Variants in ZNF148 observed in about 807,000 individuals in gnomAD.
ZNF148 encodes Beta-Enolase Repressor Factor-1.
In ZNF148, 7 loss-of-function variants were observed where a neutral mutation model predicts 67.7. The observed-to-expected ratio is 0.10, with a 90% CI of 0.06 to 0.19. The LOEUF is 0.19. Among genes scored for constraint, ZNF148 ranks in the 10% least tolerant of loss-of-function variants. The pLI, the probability that ZNF148 is intolerant of heterozygous loss-of-function variation, is 1.00. For missense variants in ZNF148, 583 were observed against 947.1 expected (o/e 0.62, Z 5.05); for synonymous variants, 333 against 330.7 (o/e 1.01, Z -0.08).
chr3:125,332,643 G>A (rs6792293), intron 1 of ZNF148, among the ~76,000 whole-genome samples: 118,051 of 152,068 alleles, frequency 0.78, 46,421 homozygotes, highest in African/African-American at 0.87. Context: ...GACCATGTCC[G>A]TATAAGGCAA....
chr3:125,234,907 A>G (rs1192747348), intron 7 of ZNF148, among the ~76,000 whole-genome samples: 1 of 152,176 alleles, frequency 6.6e-6, no homozygotes, highest in Non-Finnish European at 1.5e-5. Context: ...TAAACTGAGT[A>G]TTGTTAATTG....
At chr3:125,372,303 A>C (rs1197754585) in intron 1 of ZNF148, among the ~76,000 whole-genome samples, 1 of 152,200 alleles carries the variant, frequency 6.6e-6, no homozygotes, top group Non-Finnish European at 1.5e-5. Flanking sequence ...CTAAATCCCT[A>C]AAATACAATG....
chr3:125,349,657 G>T (rs1043507084), intron 1 of ZNF148, among the ~76,000 whole-genome samples: 1 of 152,140 alleles, frequency 6.6e-6, no homozygotes, highest in African/African-American at 2.4e-5. Flanking sequence ...AGCCACTGTG[G>T]AAAACAACTT....
In ZNF148 at chr3:125,234,314, C is replaced by T. The variant is rs376674595; in HGVS notation, c.683G>A (p.Arg228His). ...EKIHTGEKPF[R>H]CDECGMRFIQ... ...GAATCTCATACCACATTCATCACAG[C>T]GAAATGGTTTTTCACCTAGCACATA... Residue 228 changes from arginine to histidine, a missense_variant, in exon 8 of 9, where the codon CGC (arginine) becomes CAC (histidine). Physicochemically the swap from Arg to His is conservative, Grantham distance 29. Transcript: ENST00000360647. 6.2e-6 allele frequency: 10 copies of T among 1,605,654 alleles called. No homozygotes were observed. The Admixed American group carries it at 1.0e-4, about 16-fold the overall frequency.
intron 1 of ZNF148, chr3:125,344,470 G>A: frequency 2.8e-6 from 3 of 1,064,964 alleles, no homozygotes; most frequent in Non-Finnish European, 4.3e-6. Flanking sequence ...AATAAAAATG[G>A]GTCCCTTCCA....
chr3:125,320,976 TACCAGAACCTTTAACAAATTTG>T (rs1940744914), intron 3 of ZNF148, among the ~76,000 whole-genome samples: 1 of 152,188 alleles, frequency 6.6e-6, no homozygotes, highest in Admixed American at 6.5e-5. Flanking sequence ...CCATGATTAA[TACCAGAACCTTTAACAAATTTG>T]CTATTTGTTA....
At chr3:125,319,006 C>T (rs1441797750) in intron 3 of ZNF148, among the ~76,000 whole-genome samples, 1 of 152,000 alleles carries the variant, frequency 6.6e-6, no homozygotes, top group Non-Finnish European at 1.5e-5. Context: ...CCACTCCCAA[C>T]CCCCCCACAC....
intron 4 of ZNF148, among the ~76,000 whole-genome samples, chr3:125,289,702 C>T (rs1579716219): frequency 6.6e-6 from 1 of 152,088 alleles, no homozygotes; most frequent in Non-Finnish European, 1.5e-5. Context: ...AAAAGTAGTA[C>T]AAACATTTCT....
chr3:125,293,206 C>T (rs548618904), intron 4 of ZNF148, among the ~76,000 whole-genome samples: 1 of 152,050 alleles, frequency 6.6e-6, no homozygotes, highest in Admixed American at 6.6e-5. Context: ...ATAAAGGGAC[C>T]CCACGGCCAG....
In ZNF148 at chr3:125,286,828, C is replaced by T. The variant is rs1238092677; in HGVS notation, c.459+1275G>A. 3.3e-5 allele frequency among the ~76,000 whole-genome samples: 5 copies of T among 152,224 alleles called. No individual in the cohort carries two copies. In the East Asian group the frequency reaches 9.6e-4, roughly 29 times the overall value. ...AAAGAAAGGGAATATGGCAGAAAAT[C>T]CAAGTAGTTATCTCTAGGAAATGTA... is the stretch of plus-strand genomic sequence containing the variant. On this transcript the variant is annotated intron_variant, in intron 5 of 8. Transcript: ENST00000360647.
intron 1 of ZNF148, among the ~76,000 whole-genome samples, chr3:125,347,569 AT>A (rs36070409): frequency 0.74 from 107,286 of 145,082 alleles, 39,430 homozygotes; most frequent in Middle Eastern, 0.82. Flanking sequence ...TTTATGTATT[AT>A]TTTTTTTTTT....
intron 7 of ZNF148, among the ~76,000 whole-genome samples, chr3:125,261,773 T>C (rs2107574038): frequency 6.8e-6 from 1 of 147,316 alleles, no homozygotes; most frequent in African/African-American, 2.5e-5. Flanking sequence ...AAAACAGAGG[T>C]CTAAGAACTG....
chr3:125,238,076 T>C (rs1003318957), intron 7 of ZNF148, among the ~76,000 whole-genome samples: 11 of 152,008 alleles, frequency 7.2e-5, no homozygotes, highest in African/African-American at 2.4e-4. Context: ...TACAAAAGAA[T>C]GAAGTTAGAC....
Position 125,229,466 on chromosome 3 carries a change from G to A in ZNF148, c.*2875C>T, listed in dbSNP as rs780785080. ...CCACATTTGCATGTAGACCCAAAAC[G>A]TTTAAGAGCCACTTAAATATTCAAG... On this transcript the variant is annotated 3_prime_UTR_variant, in exon 9 of 9. Coordinates refer to ENST00000360647, the MANE Select transcript of ZNF148 (RefSeq NM_021964.3). The A allele has an allele frequency of 6.6e-6, 1 of 152,066 alleles. No individual in the cohort carries two copies. Among genetic ancestry groups the A allele is most frequent in the Non-Finnish European group, 1.5e-5 (1 of 68,016 alleles). The allele number at this position is 152,066 out of a possible 1,614,324, so 9.4% of individuals were successfully genotyped here.
At chr3:125,371,080 C>T (rs1942863551) in intron 1 of ZNF148, among the ~76,000 whole-genome samples, 1 of 151,950 alleles carries the variant, frequency 6.6e-6, no homozygotes, top group African/African-American at 2.4e-5. Context: ...TGGCCGGGCA[C>T]GGTGGCTCAC....
chr3:125,309,488 A>G (rs1449335912), intron 4 of ZNF148, among the ~76,000 whole-genome samples: 1 of 152,236 alleles, frequency 6.6e-6, no homozygotes, highest in Non-Finnish European at 1.5e-5. Context: ...ATAGGCATAT[A>G]CGACATGAAC....
intron 1 of ZNF148, among the ~76,000 whole-genome samples, chr3:125,335,243 A>G (rs1447423242): frequency 1.3e-5 from 2 of 152,180 alleles, no homozygotes; most frequent in Non-Finnish European, 1.5e-5. Context: ...AGTGCCTTAC[A>G]CATAAGAGAC....
At chr3:125,318,721 G>A (rs1374594940) in intron 3 of ZNF148, among the ~76,000 whole-genome samples, 1 of 152,142 alleles carries the variant, frequency 6.6e-6, no homozygotes, top group Non-Finnish European at 1.5e-5. Flanking sequence ...ATTCAGCTAA[G>A]AGTGAGAGGC....
chr3:125,358,103 G>A (rs1243024268), intron 1 of ZNF148, among the ~76,000 whole-genome samples: 1 of 152,162 alleles, frequency 6.6e-6, no homozygotes, highest in East Asian at 1.9e-4. Flanking sequence ...CGTGAAGTCA[G>A]GAGTTCAAGA....
Sources: allele counts gnomAD v4.1 joint callset (sites outside exome capture counted in the v4.1 genomes callset), GRCh38; gene constraint gnomAD v4.1.1; transcripts MANE v1.5; gene names NCBI Gene and HGNC (gene_info 2026-07-23, HGNC 2026-07-21).